Variants in SLC7A14 observed in about 807,000 individuals in gnomAD.
SLC7A14 encodes gamma-aminobutyric acid transporter SLC7A14.
SLC7A14 carries 37 observed loss-of-function variants against 60.2 expected under a neutral mutation model. The ratio of observed to expected loss-of-function variants is 0.61; its 90% CI spans 0.47 to 0.81. The LOEUF (loss-of-function observed/expected upper bound fraction) is 0.81, where lower values mean the gene tolerates loss of function less well. SLC7A14 is among the 30% of genes least tolerant of loss of function. SLC7A14 has a pLI of 0.00. For missense variants in SLC7A14, 886 were observed against 982.7 expected (o/e 0.90, Z 1.32); for synonymous variants, 399 against 395.8 (o/e 1.01, Z -0.10).
intron 4 of SLC7A14, among the ~76,000 whole-genome samples, chr3:170,497,776 A>G (rs1055405142): frequency 5.3e-5 from 8 of 152,248 alleles, no homozygotes; most frequent in Non-Finnish European, 1.2e-4. Context: ...GGTGCAACTC[A>G]CAGCCACTTG....
Position 170,526,602 on chromosome 3 carries a change from C to G in SLC7A14, c.304+31G>C, listed in dbSNP as rs370095612. On this transcript the variant is annotated intron_variant, in intron 2 of 7. Transcript: ENST00000231706. ...GTGACCAGGCTGGTAAGCACACTTT[C>G]CACAGTACTTCCCTGCATGGAGACA... 3.1e-6 allele frequency: 5 copies of G among 1,603,426 alleles called. No homozygotes were observed. The Admixed American group carries it at 5.0e-5, about 16-fold the overall frequency.
intron 3 of SLC7A14, 90 bp downstream of exon 3, chr3:170,501,019 C>T: frequency 8.1e-7 from 1 of 1,229,044 alleles, no homozygotes; most frequent in Middle Eastern, 1.9e-4. Flanking sequence ...GCTTTTGATA[C>T]ATTTTGCCAA....
At chr3:170,513,024 T>G (rs976963823) in intron 2 of SLC7A14, among the ~76,000 whole-genome samples, 1 of 152,202 alleles carries the variant, frequency 6.6e-6, no homozygotes, top group African/African-American at 2.4e-5. Flanking sequence ...TATGGGTTAC[T>G]GTTCTTCCGA....
At chr3:170,479,708 G>A (rs563913371) in intron 7 of SLC7A14, among the ~76,000 whole-genome samples, 3 of 152,248 alleles carry the variant, frequency 2.0e-5, no homozygotes, top group African/African-American at 7.2e-5. Context: ...AAAGGACCTT[G>A]GGAAATATGA....
chr3:170,514,198 A>G (rs1713078736), intron 2 of SLC7A14, among the ~76,000 whole-genome samples: 1 of 152,298 alleles, frequency 6.6e-6, no homozygotes, highest in African/African-American at 2.4e-5. Context: ...AGAGTGTTCA[A>G]AGTAGATGGC....
At chr3:170,496,308 G>T (rs1712390893) in intron 4 of SLC7A14, 2 of 1,022,516 alleles carry the variant, frequency 2.0e-6, no homozygotes, top group African/African-American at 3.1e-5. Flanking sequence ...GCAGACGCTG[G>T]CTGGCAAGCA....
At chr3:170,541,175 A>T (rs960904319) in intron 1 of SLC7A14, among the ~76,000 whole-genome samples, 3 of 152,256 alleles carry the variant, frequency 2.0e-5, no homozygotes, top group Non-Finnish European at 2.9e-5. Context: ...AAGGGCATTA[A>T]TTGTAATATT....
At chr3:170,574,547 C>G (rs550491728) in intron 1 of SLC7A14, among the ~76,000 whole-genome samples, 1 of 152,272 alleles carries the variant, frequency 6.6e-6, no homozygotes, top group African/African-American at 2.4e-5. Context: ...ACACTGTTTC[C>G]TATGGTGATC....
chr3:170,522,614 A>G (rs942620848), intron 2 of SLC7A14, among the ~76,000 whole-genome samples: 1 of 152,228 alleles, frequency 6.6e-6, no homozygotes, highest in Non-Finnish European at 1.5e-5. Flanking sequence ...AAAACAAATT[A>G]GTGGTTGCCA....
chr3:170,519,187 C>G (rs1713261396), intron 2 of SLC7A14, among the ~76,000 whole-genome samples: 1 of 152,102 alleles, frequency 6.6e-6, no homozygotes, highest in African/African-American at 2.4e-5. Context: ...TGAGGGGGAC[C>G]TTAGATCTTC....
intron 1 of SLC7A14, among the ~76,000 whole-genome samples, chr3:170,581,136 C>T (rs765911799): frequency 6.6e-6 from 1 of 152,136 alleles, no homozygotes; most frequent in Non-Finnish European, 1.5e-5. Context: ...AATGCAAACT[C>T]AATAATTCAG....
chr3:170,569,754 C>G (rs531573003), intron 1 of SLC7A14, among the ~76,000 whole-genome samples: 9 of 152,064 alleles, frequency 5.9e-5, no homozygotes, highest in East Asian at 3.9e-4. Flanking sequence ...TGTATGTGTC[C>G]AGGAATTTAT....
chr3:170,487,227 A>G (rs1416111233), intron 4 of SLC7A14, among the ~76,000 whole-genome samples: 2 of 146,936 alleles, frequency 1.4e-5, no homozygotes, highest in African/African-American at 5.0e-5. Flanking sequence ...AATGTATTAT[A>G]TATGTCAAAA....
Position 170,498,768 on chromosome 3 carries a change from G to T in SLC7A14, c.658C>A (p.Leu220Met). Reference protein sequence around the residue: ...SIGFNNVLNVLNLAVWVFIMI... With the variant: ...SIGFNNVLNVMNLAVWVFIMI... Reference sequence around the variant, plus strand: ...ATGAACACCCATACTGCCAGGTTCAGCACATTGAGAACATTGTTGAAGCCT... The same window carrying T: ...ATGAACACCCATACTGCCAGGTTCATCACATTGAGAACATTGTTGAAGCCT... The change falls in exon 4 of 8, where the codon CTG (leucine) becomes ATG (methionine). Residue 220 changes from leucine (L) to methionine (M), a missense_variant. By Grantham distance (15) the Leu-to-Met change is conservative. Transcript: ENST00000231706. 1 of 1,614,178 alleles carries T rather than the reference G, an allele frequency of 6.2e-7. No individual in the cohort carries two copies.
At chr3:170,498,610 C>T in intron 4 of SLC7A14, 57 bp downstream of exon 4, 2 of 1,540,022 alleles carry the variant, frequency 1.3e-6, no homozygotes, top group Non-Finnish European at 9.0e-7. Context: ...TTAGGTTGGT[C>T]ACAGGGTAGA....
At chr3:170,571,044 A>G (rs966974394) in intron 1 of SLC7A14, among the ~76,000 whole-genome samples, 3 of 152,228 alleles carry the variant, frequency 2.0e-5, no homozygotes, top group African/African-American at 7.2e-5. Context: ...CATTTCCTTA[A>G]TATACTCCAG....
chr3:170,502,515 T>TG (rs1250186521), intron 2 of SLC7A14, among the ~76,000 whole-genome samples: 4 of 152,098 alleles, frequency 2.6e-5, no homozygotes, highest in Non-Finnish European at 2.9e-5. Context: ...GGCAACGAGT[T>TG]GGAGGTCAGA....
At chr3:170,484,893 A>G (rs907349811) in intron 5 of SLC7A14, among the ~76,000 whole-genome samples, 7 of 152,124 alleles carry the variant, frequency 4.6e-5, no homozygotes, top group Non-Finnish European at 8.8e-5. Context: ...AGCTTCAGGG[A>G]GTCTCCTGAG....
chr3:170,538,865 T>C (rs1713928449), intron 1 of SLC7A14, among the ~76,000 whole-genome samples: 1 of 152,214 alleles, frequency 6.6e-6, no homozygotes, highest in South Asian at 2.1e-4. Flanking sequence ...TTTCCTCACC[T>C]TTTTCTCTGA....
Sources: allele counts gnomAD v4.1 joint callset (sites outside exome capture counted in the v4.1 genomes callset), GRCh38; gene constraint gnomAD v4.1.1; transcripts MANE v1.5; gene names NCBI Gene and HGNC (gene_info 2026-07-23, HGNC 2026-07-21).